Variants in OSBPL6 observed in about 807,000 individuals in gnomAD.
The protein encoded by OSBPL6 is oxysterol binding protein like 6, also known as oxysterol-binding protein-related protein 6.
OSBPL6 carries 49 observed loss-of-function variants against 125.8 expected under a neutral mutation model. The observed-to-expected ratio is 0.39, with a 90% CI of 0.31 to 0.49. OSBPL6 has a LOEUF of 0.49. OSBPL6 is among the 20% of genes least tolerant of loss of function. The pLI is 0.88. For missense variants in OSBPL6, 986 were observed against 1,135.4 expected, an observed-to-expected ratio of 0.87 and a Z score of 1.89; for synonymous variants, 394 against 391.8, an observed-to-expected ratio of 1.01 and a Z score of -0.07.
At chr2:178,246,955 A>G (rs958081395) in intron 1 of OSBPL6, among the ~76,000 whole-genome samples, 1 of 152,078 alleles carries the variant, frequency 6.6e-6, no homozygotes, top group Non-Finnish European at 1.5e-5. Context: ...TTGTTTTTGA[A>G]TGAATGAATC....
At chr2:178,217,679 A>G (rs143874587) in intron 1 of OSBPL6, among the ~76,000 whole-genome samples, 183 of 152,302 alleles carry the variant, frequency 1.2e-3, no homozygotes, top group African/African-American at 3.8e-3. Context: ...TGACATTTAC[A>G]TAGTGCATAG....
intron 1 of OSBPL6, among the ~76,000 whole-genome samples, chr2:178,269,589 T>C (rs2092326649): frequency 6.6e-6 from 1 of 152,210 alleles, no homozygotes; most frequent in African/African-American, 2.4e-5. Flanking sequence ...ATAAAGACTC[T>C]GGTCATTGCA....
intron 1 of OSBPL6, among the ~76,000 whole-genome samples, chr2:178,216,137 A>T (rs968038094): frequency 6.6e-6 from 1 of 152,214 alleles, no homozygotes; most frequent in Admixed American, 6.5e-5. Flanking sequence ...AGGGTAATAT[A>T]GACATGCCAC....
At chr2:178,223,787 T>G (rs925039900) in intron 1 of OSBPL6, among the ~76,000 whole-genome samples, 1 of 152,220 alleles carries the variant, frequency 6.6e-6, no homozygotes, top group Non-Finnish European at 1.5e-5. Context: ...TTTGAGTGGG[T>G]CCTTATGGCC....
intron 2 of OSBPL6, among the ~76,000 whole-genome samples, chr2:178,296,686 T>G (rs1357616079): frequency 1.3e-5 from 2 of 152,202 alleles, no homozygotes; most frequent in Non-Finnish European, 1.5e-5. Context: ...ACATAGCTCC[T>G]GAGCTAGTGC....
At chr2:178,194,137 C>T (rs971554508), upstream of OSBPL6, among the ~76,000 whole-genome samples, 5 of 152,166 alleles carry the variant, frequency 3.3e-5, no homozygotes, top group Non-Finnish European at 7.4e-5. Context: ...CGCCGGACTG[C>T]GCGGGGCGAG....
In OSBPL6 at chr2:178,398,090, C is replaced by T. The variant is rs1345543021; in HGVS notation, c.*2531C>T. ...ATTCATTGGTGCGATGGCCTCATCC[C>T]CTTTTTTACTTTTTATTGACATGGT... On this transcript the variant is annotated 3_prime_UTR_variant, in exon 25 of 25. Coordinates refer to ENST00000190611, the MANE Select transcript of OSBPL6 (RefSeq NM_032523.4). 2 of 152,078 alleles carry T rather than the reference C, an allele frequency of 1.3e-5. No homozygotes were observed. Among genetic ancestry groups the T allele is most frequent in the African/African-American group, 2.4e-5 (1 of 41,390 alleles). The allele number at this position is 152,078 out of a possible 1,614,324, so 9.4% of individuals were successfully genotyped here.
Position 178,379,296 on chromosome 2 carries a change from G to GAAGAAAGA in OSBPL6, c.1534-3117_1534-3110dup, listed in dbSNP as rs781010352. Among the ~76,000 whole-genome samples the GAAGAAAGA allele has an allele frequency of 2.3e-3, 280 of 119,424 alleles. 4 individuals carry two copies. Among genetic ancestry groups the GAAGAAAGA allele is most frequent in the Middle Eastern group, 5.5e-3 (1 of 182 alleles). 78.3% of individuals were successfully genotyped at this position (119,424 alleles called of 152,430 possible). On this transcript the variant is annotated intron_variant, in intron 15 of 24. Coordinates refer to ENST00000190611, the MANE Select transcript of OSBPL6 (RefSeq NM_032523.4). ...GAAAGAAAGAAAGAAAAGAAAGAAAGAAGAAAGAAAGAAACAGGAAGGAAG... is the reference window on the plus strand; with the variant it reads ...GAAAGAAAGAAAGAAAAGAAAGAAAGAAGAAAGAAAGAAAGAAAGAAACAGGAAGGAAG...
chr2:178,384,417 G>A (rs1327805151), intron 18 of OSBPL6, among the ~76,000 whole-genome samples: 1 of 152,220 alleles, frequency 6.6e-6, no homozygotes, highest in East Asian at 1.9e-4. Context: ...CACAGGTTGG[G>A]TTTATACATT....
At chr2:178,247,308 G>A (rs1036855501) in intron 1 of OSBPL6, among the ~76,000 whole-genome samples, 7 of 151,994 alleles carry the variant, frequency 4.6e-5, no homozygotes, top group African/African-American at 1.4e-4. Context: ...CTGATTCTAG[G>A]TGGTTTTTTC....
At chr2:178,241,737 T>C (rs1207852552) in intron 1 of OSBPL6, among the ~76,000 whole-genome samples, 1 of 152,180 alleles carries the variant, frequency 6.6e-6, no homozygotes, top group African/African-American at 2.4e-5. Context: ...AAAAGACATC[T>C]TAAAGTTGTG....
At chr2:178,375,876 C>G (rs1231844669) in intron 15 of OSBPL6, among the ~76,000 whole-genome samples, 1 of 152,180 alleles carries the variant, frequency 6.6e-6, no homozygotes, top group East Asian at 1.9e-4. Flanking sequence ...ACTGCTTGCC[C>G]TGGACACTGG....
At chr2:178,197,075 T>C (rs2088944620) in intron 1 of OSBPL6, among the ~76,000 whole-genome samples, 1 of 151,936 alleles carries the variant, frequency 6.6e-6, no homozygotes, top group Non-Finnish European at 1.5e-5. Flanking sequence ...CTGATTATTG[T>C]TGTTTCCTGG....
At chr2:178,283,716 A>C (rs1684435766) in intron 1 of OSBPL6, among the ~76,000 whole-genome samples, 1 of 152,230 alleles carries the variant, frequency 6.6e-6, no homozygotes, top group Non-Finnish European at 1.5e-5. Context: ...GCTGTATAAG[A>C]AGCACGGTGC....
At chr2:178,381,771 GT>G (rs1314038810) in intron 15 of OSBPL6, among the ~76,000 whole-genome samples, 2 of 152,176 alleles carry the variant, frequency 1.3e-5, no homozygotes, top group African/African-American at 4.8e-5. Context: ...GTGCATTTTT[GT>G]TGGTTTTACT....
At chr2:178,344,426 C>A in intron 11 of OSBPL6, 1 of 1,503,018 alleles carries the variant, frequency 6.7e-7, no homozygotes. Context: ...AGGATGACTC[C>A]CCTGTCCTGA....
intron 1 of OSBPL6, among the ~76,000 whole-genome samples, chr2:178,245,399 G>T (rs2091452920): frequency 6.6e-6 from 1 of 152,198 alleles, no homozygotes; most frequent in South Asian, 2.1e-4. Context: ...AAAAATTCAT[G>T]CTGGAAACCT....
At chr2:178,261,047 G>A (rs2092041580) in intron 1 of OSBPL6, among the ~76,000 whole-genome samples, 1 of 152,084 alleles carries the variant, frequency 6.6e-6, no homozygotes, top group African/African-American at 2.4e-5. Flanking sequence ...CAGAAGAATC[G>A]CTTGAACCTG....
At chr2:178,336,498 G>A (rs1689695856) in intron 9 of OSBPL6, 65 bp downstream of exon 9, 1 of 1,570,604 alleles carries the variant, frequency 6.4e-7, no homozygotes, top group Non-Finnish European at 8.7e-7. Context: ...AACCCGAAGA[G>A]GTCAATTATG....
Sources: allele counts gnomAD v4.1 joint callset (sites outside exome capture counted in the v4.1 genomes callset), GRCh38; gene constraint gnomAD v4.1.1; transcripts MANE v1.5; gene names NCBI Gene and HGNC (gene_info 2026-07-23, HGNC 2026-07-21).